Variants in EYS observed in about 807,000 individuals in gnomAD.
The protein encoded by EYS is protein eyes shut homolog.
In EYS, 250 loss-of-function variants were observed where a neutral mutation model predicts 282.1. That is an observed-to-expected ratio of 0.89 (90% CI 0.80 to 0.98). The LOEUF (loss-of-function observed/expected upper bound fraction) is 0.98. Among genes scored for constraint, EYS ranks in the 50% least tolerant of loss-of-function variants. EYS has a pLI of 0.00. For missense variants in EYS, 4,016 were observed against 3,709.0 expected (o/e 1.08, Z -2.15); for synonymous variants, 1,355 against 1,282.9 (o/e 1.06, Z -1.20).
chr6:64,723,824 C>T (rs1771666275), intron 22 of EYS, among the ~76,000 whole-genome samples: 3 of 152,140 alleles, frequency 2.0e-5, no homozygotes, highest in Admixed American at 1.3e-4. Context: ...CAGCCTCACC[C>T]TGTTAACTCT....
At chr6:65,395,771 A>C (rs1018530041) in intron 7 of EYS, among the ~76,000 whole-genome samples, 2 of 152,168 alleles carry the variant, frequency 1.3e-5, no homozygotes, top group African/African-American at 4.8e-5. Flanking sequence ...TCAAGTATTT[A>C]CTATTTCTAT....
intron 5 of EYS, among the ~76,000 whole-genome samples, chr6:65,412,289 C>A (rs545524395): frequency 1.3e-5 from 2 of 152,208 alleles, no homozygotes; most frequent in South Asian, 4.1e-4. Context: ...CTGACTAAGA[C>A]ACAAATAAAG....
At chr6:65,459,014 A>C in intron 5 of EYS, among the ~76,000 whole-genome samples, 1 of 152,262 alleles carries the variant, frequency 6.6e-6, no homozygotes, top group South Asian at 2.1e-4. Flanking sequence ...AGAATTTTTA[A>C]ATTGTTGATA....
At chr6:64,645,777 T>G (rs1400687734) in intron 22 of EYS, among the ~76,000 whole-genome samples, 1 of 152,144 alleles carries the variant, frequency 6.6e-6, no homozygotes, top group Non-Finnish European at 1.5e-5. Flanking sequence ...TTTAATTCTC[T>G]TTTTTTAGTT....
intron 2 of EYS, among the ~76,000 whole-genome samples, chr6:65,593,143 C>A (rs191267315): frequency 6.4e-4 from 97 of 152,134 alleles, no homozygotes; most frequent in African/African-American, 2.2e-3. Flanking sequence ...ATTAAAGATG[C>A]ACCTTATTAA....
intron 37 of EYS, among the ~76,000 whole-genome samples, chr6:63,798,987 G>GTATATGTGTATATA (rs1770713500): frequency 8.2e-5 from 7 of 85,748 alleles, no homozygotes; most frequent in African/African-American, 1.6e-4. Flanking sequence ...GTATATGTGT[G>GTATATGTGTATATA]TATATATATA....
At chr6:64,546,017 A>T in intron 26 of EYS, among the ~76,000 whole-genome samples, 1 of 152,298 alleles carries the variant, frequency 6.6e-6, no homozygotes, top group Non-Finnish European at 1.5e-5. Flanking sequence ...ATTGGAAAAA[A>T]CTACTTTAAA....
chr6:64,290,770 A>T (rs1313498695), intron 30 of EYS, among the ~76,000 whole-genome samples: 1 of 151,506 alleles, frequency 6.6e-6, no homozygotes, highest in Non-Finnish European at 1.5e-5. Flanking sequence ...ATTTCTCTTC[A>T]TACTTCATTG....
chr6:65,385,813 G>A (rs1197080280), intron 7 of EYS, among the ~76,000 whole-genome samples: 2 of 151,874 alleles, frequency 1.3e-5, no homozygotes, highest in South Asian at 4.1e-4. Flanking sequence ...CTCTCATTCT[G>A]AGGGGCTAGC....
chr6:64,402,558 T>G (rs1773569432), intron 28 of EYS, among the ~76,000 whole-genome samples: 1 of 152,222 alleles, frequency 6.6e-6, no homozygotes, highest in African/African-American at 2.4e-5. Context: ...ACAGATTGCT[T>G]CTGGTCTTTA....
rs771939393 is a variant in EYS at position 65,228,455 on chromosome 6, A to G, written c.2023+67408T>C. 1.3e-4 allele frequency among the ~76,000 whole-genome samples: 20 copies of G among 152,072 alleles called. 1 individual carries two copies. The highest frequency in any genetic ancestry group is 2.7e-4 in the Non-Finnish European group (18 of 67,912). The stretch of plus-strand genomic sequence containing the variant: ...AAAGACTGTTGACAGAAATTAAAGA[A>G]TATCTAAATAAATAGATATATTGTG... On this transcript the variant is annotated intron_variant, in intron 12 of 42. Coordinates refer to ENST00000503581, the MANE Select transcript of EYS (RefSeq NM_001142800.2).
intron 12 of EYS, among the ~76,000 whole-genome samples, chr6:65,248,889 G>A (rs1217547589): frequency 6.6e-6 from 1 of 151,954 alleles, no homozygotes; most frequent in East Asian, 1.9e-4. Flanking sequence ...CTGTGTACAA[G>A]TTATCCTGAA....
At chr6:64,512,158 C>T (rs1183124607) in intron 26 of EYS, among the ~76,000 whole-genome samples, 1 of 151,928 alleles carries the variant, frequency 6.6e-6, no homozygotes, top group Non-Finnish European at 1.5e-5. Flanking sequence ...TATGTGTGTA[C>T]ATGTGATATG....
intron 22 of EYS, chr6:64,733,250 T>C (rs1255289133): frequency 3.3e-5 from 5 of 153,638 alleles, no homozygotes; most frequent in African/African-American, 9.6e-5. Context: ...GGTCTTTATC[T>C]GGTTCAGAAG....
At position 64,904,043 on chromosome 6, in the gene EYS, G is replaced by A. The variant is rs139588692; in HGVS notation, c.2642-1543C>T. ...TATATTAAATATGATTTTTAAAAAC[G>A]CCAATTTAAAGGTAGAGGCAGACTA... On this transcript the variant is annotated intron_variant, in intron 16 of 42. Transcript: ENST00000503581. Among the ~76,000 whole-genome samples, 57 of 152,066 alleles carry A rather than the reference G, an allele frequency of 3.7e-4. 1 individual carries two copies. The highest frequency in any genetic ancestry group is 1.2e-3 in the African/African-American group (50 of 41,488).
rs138577059 is a variant in EYS, at chr6:65,701,892, G to A, written c.-448+5243C>T. 6.7e-4 allele frequency among the ~76,000 whole-genome samples: 102 copies of A among 152,310 alleles called. 2 individuals carry two copies. In the East Asian group the frequency reaches 0.013, roughly 19 times the overall value. On this transcript the variant is annotated intron_variant, in intron 1 of 42. Transcript: ENST00000503581. ...GTTTAGAAATATTTCATAAGGCATT[G>A]AGTTGCATTCTTTTAATACTTGAAC...
At chr6:65,408,789 C>A (rs982716642) in intron 5 of EYS, among the ~76,000 whole-genome samples, 1 of 152,034 alleles carries the variant, frequency 6.6e-6, no homozygotes, top group African/African-American at 2.4e-5. Flanking sequence ...TTATTTAAGG[C>A]TGAAGCTTAA....
intron 12 of EYS, among the ~76,000 whole-genome samples, chr6:65,253,994 C>T (rs766978715): frequency 6.6e-6 from 1 of 151,706 alleles, no homozygotes; most frequent in Non-Finnish European, 1.5e-5. Flanking sequence ...AGGTAGGAAG[C>T]TTAAAAGTGC....
At chr6:65,281,347 T>C (rs1287688632) in intron 12 of EYS, among the ~76,000 whole-genome samples, 1 of 152,158 alleles carries the variant, frequency 6.6e-6, no homozygotes, top group Non-Finnish European at 1.5e-5. Flanking sequence ...GTATTTTCAC[T>C]ATAATTAACA....
Sources: allele counts gnomAD v4.1 joint callset (sites outside exome capture counted in the v4.1 genomes callset), GRCh38; gene constraint gnomAD v4.1.1; transcripts MANE v1.5; gene names NCBI Gene and HGNC (gene_info 2026-07-23, HGNC 2026-07-21).